SOX6: variants seen among roughly 807,000 people sequenced by gnomAD.
SOX6 encodes the protein SRY-box transcription factor 6, also known as transcription factor SOX-6.
In SOX6, 11 loss-of-function variants were observed where a neutral mutation model predicts 97.8. The observed-to-expected ratio is 0.11, with a 90% CI of 0.07 to 0.19. SOX6 has a LOEUF of 0.19. Among genes scored for constraint, SOX6 ranks in the 10% least tolerant of loss-of-function variants. The probability of loss-of-function intolerance (pLI) is 1.00; values close to 1 mark genes in which losing one functional copy is unlikely to be tolerated. For missense variants in SOX6, 810 were observed against 1,039.5 expected, an observed-to-expected ratio of 0.78 and a Z score of 3.04; for synonymous variants, 360 against 371.4, an observed-to-expected ratio of 0.97 and a Z score of 0.35.
intron 2 of SOX6, among the ~76,000 whole-genome samples, chr11:16,323,326 T>G (rs1157810404): frequency 6.6e-6 from 1 of 152,128 alleles, no homozygotes; most frequent in Non-Finnish European, 1.5e-5. Flanking sequence ...GAATTTTAAT[T>G]AAGATGTTTT....
chr11:16,254,793 T>C (rs1340626809), intron 3 of SOX6, among the ~76,000 whole-genome samples: 1 of 151,816 alleles, frequency 6.6e-6, no homozygotes, highest in Non-Finnish European at 1.5e-5. Context: ...TAATCATAAA[T>C]GTCAGGGGTC....
At chr11:16,272,350 A>C (rs1854283259) in intron 3 of SOX6, among the ~76,000 whole-genome samples, 1 of 151,714 alleles carries the variant, frequency 6.6e-6, no homozygotes, top group Non-Finnish European at 1.5e-5. Context: ...GATTAAATCC[A>C]TAAATAATTT....
intron 9 of SOX6, among the ~76,000 whole-genome samples, chr11:16,073,876 AAATTCCTTG>A (rs1848283712): frequency 6.6e-6 from 1 of 152,210 alleles, no homozygotes; most frequent in Non-Finnish European, 1.5e-5. Context: ...AGAAATCAAG[AAATTCCTTG>A]AAATTAATGA....
intron 12 of SOX6, among the ~76,000 whole-genome samples, chr11:16,030,024 A>G (rs1855323197): frequency 6.6e-6 from 1 of 152,218 alleles, no homozygotes; most frequent in Admixed American, 6.5e-5. Context: ...GGTGATGACC[A>G]AAGGAGTAGA....
chr11:16,136,564 A>C (rs915347320), intron 6 of SOX6, among the ~76,000 whole-genome samples: 4 of 151,774 alleles, frequency 2.6e-5, no homozygotes, highest in Admixed American at 2.6e-4. Context: ...AATTTTTGAA[A>C]ATTTTTTTGT....
At chr11:16,264,121 C>G (rs1283986998) in intron 3 of SOX6, among the ~76,000 whole-genome samples, 1 of 151,746 alleles carries the variant, frequency 6.6e-6, no homozygotes. Flanking sequence ...TTCTGAAATA[C>G]ACAAATATAT....
chr11:16,675,633 G>A (rs1265332586), intron 3 of SOX6, among the ~76,000 whole-genome samples: 1 of 152,032 alleles, frequency 6.6e-6, no homozygotes. Context: ...ATTTTTTGTA[G>A]GTAAGGTCTA....
chr11:16,371,963 G>A (rs1055309136), intron 1 of SOX6, among the ~76,000 whole-genome samples: 5 of 151,982 alleles, frequency 3.3e-5, no homozygotes, highest in Middle Eastern at 3.2e-3. Flanking sequence ...ATAATACTCA[G>A]TATATGTTAG....
At chr11:16,440,606 T>C (rs996698927) in intron 1 of SOX6, among the ~76,000 whole-genome samples, 1 of 152,204 alleles carries the variant, frequency 6.6e-6, no homozygotes. Context: ...AGTCAGTGTC[T>C]AAAATAGTAC....
intron 8 of SOX6, among the ~76,000 whole-genome samples, chr11:16,096,509 G>A (rs1848798002): frequency 6.6e-6 from 1 of 151,806 alleles, no homozygotes; most frequent in Non-Finnish European, 1.5e-5. Flanking sequence ...CTGCTAGGCA[G>A]CCCATAATGG....
intron 5 of SOX6, among the ~76,000 whole-genome samples, chr11:16,184,580 T>G (rs955951946): frequency 6.6e-6 from 1 of 152,172 alleles, no homozygotes; most frequent in Non-Finnish European, 1.5e-5. Flanking sequence ...GTTTATTTCA[T>G]AGTACAGGAT....
intron 13 of SOX6, among the ~76,000 whole-genome samples, chr11:15,998,293 A>G (rs1285472599): frequency 6.6e-6 from 1 of 150,722 alleles, no homozygotes; most frequent in African/African-American, 2.4e-5. Context: ...TATACTAGCA[A>G]CAAACAATTA....
At chr11:16,214,974 T>A (rs11023873) in intron 4 of SOX6, among the ~76,000 whole-genome samples, 72,488 of 151,810 alleles carry the variant, frequency 0.48, 17,476 homozygotes, top group South Asian at 0.61. Flanking sequence ...GGCCTCGAAC[T>A]CCTGATCTCA....
intron 4 of SOX6, among the ~76,000 whole-genome samples, chr11:16,210,897 C>A (rs892657060): frequency 5.9e-5 from 9 of 152,084 alleles, no homozygotes; most frequent in Non-Finnish European, 1.5e-5. Flanking sequence ...AAGAAAACAG[C>A]TGAGTAGGTG....
chr11:16,668,993 A>G (rs1419066960), intron 3 of SOX6, among the ~76,000 whole-genome samples: 2 of 152,236 alleles, frequency 1.3e-5, no homozygotes, highest in Non-Finnish European at 2.9e-5. Flanking sequence ...TTCAGACACA[A>G]AATAAACAAA....
At chr11:16,223,895 G>A (rs182373651) in intron 4 of SOX6, among the ~76,000 whole-genome samples, 12 of 152,116 alleles carry the variant, frequency 7.9e-5, no homozygotes, top group African/African-American at 2.9e-4. Flanking sequence ...AAAGTAAAAT[G>A]TCTTGTATTT....
chr11:16,574,786 T>C (rs1013056535), intron 4 of SOX6, among the ~76,000 whole-genome samples: 3 of 152,078 alleles, frequency 2.0e-5, no homozygotes, highest in Non-Finnish European at 4.4e-5. Flanking sequence ...AAAGATCCTG[T>C]AATCCCAGCA....
intron 1 of SOX6, among the ~76,000 whole-genome samples, chr11:16,447,341 C>T (rs1038084466): frequency 1.3e-5 from 2 of 152,132 alleles, no homozygotes; most frequent in South Asian, 2.1e-4. Flanking sequence ...TTTGTGCTAC[C>T]ACTCTGAGCC....
At chr11:16,611,273 A>G (rs1396084242) in intron 4 of SOX6, among the ~76,000 whole-genome samples, 1 of 152,204 alleles carries the variant, frequency 6.6e-6, no homozygotes, top group Non-Finnish European at 1.5e-5. Context: ...AAAAATCATA[A>G]CGGCTATTAA....
Sources: allele counts gnomAD v4.1 joint callset (sites outside exome capture counted in the v4.1 genomes callset), GRCh38; gene constraint gnomAD v4.1.1; transcripts MANE v1.5; gene names NCBI Gene and HGNC (gene_info 2026-07-23, HGNC 2026-07-21).